NDUFAF7: variants seen among roughly 807,000 people sequenced by gnomAD.
NDUFAF7 encodes the protein protein arginine methyltransferase NDUFAF7, mitochondrial.
A neutral mutation model predicts 47.2 loss-of-function variants in NDUFAF7; 48 were observed. The observed-to-expected ratio is 1.02, with a 90% confidence interval of 0.81 to 1.29. The LOEUF (loss-of-function observed/expected upper bound fraction) is 1.29. NDUFAF7 is among the 50% of genes most tolerant of loss of function. NDUFAF7 has a pLI of 0.00. For synonymous variants in NDUFAF7, 217 were observed against 190.0 expected (o/e 1.14, Z -1.17); for missense variants, 635 against 537.6 (o/e 1.18, Z -1.79).
chr2:37,232,344 G>A (rs755239151), intron 2 of NDUFAF7, 78 bp downstream of exon 2: 153 of 1,578,636 alleles, frequency 9.7e-5, no homozygotes, highest in Non-Finnish European at 1.3e-4. Flanking sequence ...GAAGCCCGAA[G>A]GTTCTCAGCC....
At chr2:37,263,702 G>C in the NDUFAF7 span, among the ~76,000 whole-genome samples, 8 of 152,274 alleles carry the variant, frequency 5.3e-5, no homozygotes, top group South Asian at 1.7e-3. Flanking sequence ...GGGACCTTTG[G>C]AGGACATAAG....
At chr2:37,266,917 T>C in the NDUFAF7 span, among the ~76,000 whole-genome samples, 3 of 152,206 alleles carry the variant, frequency 2.0e-5, no homozygotes, top group African/African-American at 7.2e-5. Context: ...ATTTTAATCT[T>C]CTAGATGACC....
chr2:37,238,486 C>T (rs1196361970), intron 4 of NDUFAF7, among the ~76,000 whole-genome samples: 1 of 151,482 alleles, frequency 6.6e-6, no homozygotes, highest in Non-Finnish European at 1.5e-5. Context: ...CAAAGTGGCT[C>T]ATGCCTGTAA....
the NDUFAF7 span, among the ~76,000 whole-genome samples, chr2:37,262,671 C>G: frequency 7.2e-6 from 1 of 139,690 alleles, no homozygotes; most frequent in Non-Finnish European, 1.5e-5. Flanking sequence ...TTGGCTGGCT[C>G]TATGCTTTTT....
downstream of NDUFAF7, among the ~76,000 whole-genome samples, chr2:37,257,666 C>CAAAAAA (rs1491483662): frequency 3.2e-5 from 2 of 62,434 alleles, no homozygotes; most frequent in Non-Finnish European, 4.1e-5. Flanking sequence ...GACTCTGTCT[C>CAAAAAA]AAAAGAAAAA....
At chr2:37,270,760 C>G in the NDUFAF7 span, among the ~76,000 whole-genome samples, 1 of 152,180 alleles carries the variant, frequency 6.6e-6, no homozygotes, top group East Asian at 1.9e-4. Flanking sequence ...CCACTTTAAT[C>G]TTTTTGTTTA....
downstream of NDUFAF7, chr2:37,250,573 A>G (rs191184528): frequency 1.8e-3 from 272 of 152,302 alleles, 2 homozygotes; most frequent in African/African-American, 6.4e-3. Flanking sequence ...GTTTTTAAAT[A>G]TAGCATTAGT....
the NDUFAF7 span, among the ~76,000 whole-genome samples, chr2:37,266,996 A>G: frequency 2.0e-5 from 3 of 152,222 alleles, no homozygotes; most frequent in African/African-American, 4.8e-5. Context: ...CATTGCCAAT[A>G]TATCTTTAAA....
chr2:37,266,265 A>G, the NDUFAF7 span, among the ~76,000 whole-genome samples: 4 of 152,208 alleles, frequency 2.6e-5, no homozygotes, highest in Non-Finnish European at 5.9e-5. Flanking sequence ...AGGAAACTCA[A>G]GTTCAGAAGG....
intron 2 of NDUFAF7, among the ~76,000 whole-genome samples, chr2:37,233,028 T>C (rs1305847453): frequency 1.3e-5 from 2 of 152,222 alleles, no homozygotes; most frequent in African/African-American, 4.8e-5. Flanking sequence ...CGATGCCGGT[T>C]AGGCAGGGCT....
the NDUFAF7 span, chr2:37,259,595 C>G: frequency 6.2e-7 from 1 of 1,610,396 alleles, no homozygotes. Context: ...GAGGAAATGG[C>G]TCTGCTGATG....
intron 4 of NDUFAF7, among the ~76,000 whole-genome samples, chr2:37,239,414 C>G (rs1385836240): frequency 1.3e-5 from 2 of 152,170 alleles, no homozygotes; most frequent in Non-Finnish European, 2.9e-5. Flanking sequence ...CCCCCGTACC[C>G]AGCCTTGTAC....
the NDUFAF7 span, among the ~76,000 whole-genome samples, chr2:37,259,866 TAATTA>T: frequency 6.6e-6 from 1 of 152,274 alleles, no homozygotes; most frequent in South Asian, 2.1e-4. Flanking sequence ...TACTGCTATT[TAATTA>T]TTTTAGTTTT....
downstream of NDUFAF7, chr2:37,253,148 ATCCT>A (rs2148467503): frequency 2.6e-6 from 4 of 1,560,412 alleles, no homozygotes; most frequent in East Asian, 6.8e-5. Context: ...ATAAAATGAA[ATCCT>A]TCCTTATTTA....
intron 4 of NDUFAF7, among the ~76,000 whole-genome samples, chr2:37,238,864 A>G (rs1666064449): frequency 6.6e-6 from 1 of 151,486 alleles, no homozygotes; most frequent in Admixed American, 6.6e-5. Flanking sequence ...GATGTGAACA[A>G]GTCCATTCAT....
chr2:37,241,739 T>C lies in NDUFAF7; in HGVS notation c.570T>C (p.Thr190=), dbSNP rs769498016. 1.9e-6 allele frequency: 3 copies of C among 1,614,004 alleles called. No individual in the cohort carries two copies. The South Asian group carries it at 3.3e-5, about 18-fold the overall frequency. The change falls in exon 5 of 10, where the codon ACT becomes ACC. Residue 190 remains threonine (T), a synonymous_variant. Transcript: ENST00000002125. The part of the protein sequence containing the change: ...AGSPVYMKGV[T]KSGIPISWYR... Reference sequence around the variant, plus strand: ...CCCCAGTGTATATGAAAGGTGTCACTAAGTCTGGGATTCCAATTTCCTGGT... The same window carrying C: ...CCCCAGTGTATATGAAAGGTGTCACCAAGTCTGGGATTCCAATTTCCTGGT...
At chr2:37,245,537 A>G (rs1412281617) in intron 7 of NDUFAF7, among the ~76,000 whole-genome samples, 1 of 152,206 alleles carries the variant, frequency 6.6e-6, no homozygotes, top group Non-Finnish European at 1.5e-5. Flanking sequence ...GATGTAGGGC[A>G]TATCATTGGG....
intron 5 of NDUFAF7, chr2:37,242,294 C>T (rs1034912657): frequency 3.6e-6 from 1 of 275,588 alleles, no homozygotes; most frequent in Non-Finnish European, 6.9e-6. Context: ...GGATCTCAAG[C>T]CATTCCTGCC....
Position 37,232,210 on chromosome 2 carries a change from A to T in NDUFAF7, c.160A>T (p.Thr54Ser). The T allele has an allele frequency of 1.2e-6, 2 of 1,613,954 alleles. No individual in the cohort carries two copies. The highest frequency in any genetic ancestry group is 1.7e-6 in the Non-Finnish European group (2 of 1,180,042). The part of the protein sequence containing the change: ...LRHLMYKIKS[T>S]GPITVAEYMK... ...GCATCTTATGTACAAAATAAAGTCTACTGGTCCCATCACTGTGGCCGAGTA... is the reference window on the plus strand; with the variant it reads ...GCATCTTATGTACAAAATAAAGTCTTCTGGTCCCATCACTGTGGCCGAGTA... The change falls in exon 2 of 10, where the codon ACT becomes TCT. Residue 54 changes from threonine to serine, a missense_variant. Coordinates refer to ENST00000002125, the MANE Select transcript of NDUFAF7 (RefSeq NM_144736.5).
Sources: allele counts gnomAD v4.1 joint callset (sites outside exome capture counted in the v4.1 genomes callset), GRCh38; gene constraint gnomAD v4.1.1; transcripts MANE v1.5; gene names NCBI Gene and HGNC (gene_info 2026-07-23, HGNC 2026-07-21).